The following KIF13B variants were observed in gnomAD, a reference collection of about 807,000 sequenced individuals.
KIF13B encodes kinesin-like protein KIF13B.
A neutral mutation model predicts 222.0 loss-of-function variants in KIF13B; 127 were observed. The ratio of observed to expected loss-of-function variants is 0.57; its 90% CI spans 0.50 to 0.66. KIF13B has a LOEUF of 0.66. KIF13B is among the 30% of genes least tolerant of loss of function. The pLI is 0.00. For missense variants in KIF13B, 2,173 were observed against 2,379.0 expected, an observed-to-expected ratio of 0.91 and a Z score of 1.80; for synonymous variants, 976 against 919.0, an observed-to-expected ratio of 1.06 and a Z score of -1.12.
intron 25 of KIF13B, among the ~76,000 whole-genome samples, chr8:29,126,809 C>A (rs969984951): frequency 6.6e-5 from 10 of 152,062 alleles, no homozygotes; most frequent in Non-Finnish European, 1.2e-4. Flanking sequence ...GGCAAATAGT[C>A]TTTACAAGCC....
chr8:29,186,228 T>G lies in KIF13B; in HGVS notation c.497+64A>C. 3.0e-6 allele frequency: 4 copies of G among 1,323,558 alleles called. No homozygotes were observed. The South Asian group carries it at 4.1e-5, about 14-fold the overall frequency. The allele number at this position is 1,323,558 out of a possible 1,614,324, so 82.0% of individuals were successfully genotyped here. On this transcript the variant is annotated intron_variant, in intron 6 of 39. Coordinates refer to ENST00000524189, the MANE Select transcript of KIF13B (RefSeq NM_015254.4). ...CTGAAAAAATTAAAAAGATTTGCAC[T>G]TAAGCCAATTTAAGTCTGTTTCAGT...
chr8:29,115,412 C>G (rs182676241), intron 31 of KIF13B, among the ~76,000 whole-genome samples: 1 of 151,710 alleles, frequency 6.6e-6, no homozygotes. Flanking sequence ...CCGCAACCTC[C>G]GCCTCCCGGG....
chr8:29,188,686 C>A, intron 4 of KIF13B, 79 bp from the exon 5 acceptor site: 1 of 869,266 alleles, frequency 1.2e-6, no homozygotes, highest in Non-Finnish European at 1.8e-6. Context: ...AAACAAAAAT[C>A]TCAAAAATGT....
intron 2 of KIF13B, among the ~76,000 whole-genome samples, chr8:29,221,403 T>G (rs1422055178): frequency 6.7e-6 from 1 of 150,216 alleles, no homozygotes; most frequent in African/African-American, 2.5e-5. Flanking sequence ...GCACCCGACC[T>G]GCAGTGAGCT....
At chr8:29,117,691 A>G (rs1809667712) in intron 30 of KIF13B, among the ~76,000 whole-genome samples, 1 of 152,158 alleles carries the variant, frequency 6.6e-6, no homozygotes, top group South Asian at 2.1e-4. Flanking sequence ...GGACACTATT[A>G]AGTAATAATG....
intron 12 of KIF13B, among the ~76,000 whole-genome samples, chr8:29,161,771 A>G (rs1811793091): frequency 6.7e-6 from 1 of 148,668 alleles, no homozygotes; most frequent in African/African-American, 2.4e-5. Flanking sequence ...AGCTGAAAAG[A>G]TTTTATACCT....
rs965661459 is a variant in KIF13B at position 29,118,935 on chromosome 8, G to T, written c.3593C>A (p.Ala1198Glu). The T allele has an allele frequency of 1.2e-6, 2 of 1,613,690 alleles. No homozygotes were observed. The highest frequency in any genetic ancestry group is 1.7e-6 in the Non-Finnish European group (2 of 1,179,696). Residue 1198 changes from alanine (A) to glutamate (E), a missense_variant, in exon 30 of 40, where the codon GCG becomes GAG. Physicochemically the swap from Ala to Glu is moderately radical, Grantham distance 107 (BLOSUM62 -1). Transcript: ENST00000524189. ...LDDPEAGGWD[A>E]TLTGEEEEEF... is the part of the protein sequence containing the mutation. ...CTCTTCTTCTTCCCCAGTCAAGGTCGCATCCCATCCACCAGCTTCTGGGTC... is the reference window on the plus strand; with the variant it reads ...CTCTTCTTCTTCCCCAGTCAAGGTCTCATCCCATCCACCAGCTTCTGGGTC...
chr8:29,076,044 G>C (rs1196490423), intron 37 of KIF13B, among the ~76,000 whole-genome samples: 1 of 152,262 alleles, frequency 6.6e-6, no homozygotes, highest in Non-Finnish European at 1.5e-5. Flanking sequence ...CTGGTTACTT[G>C]TGGACACATG....
At chr8:29,117,907 C>G (rs940396794) in intron 30 of KIF13B, among the ~76,000 whole-genome samples, 1 of 152,168 alleles carries the variant, frequency 6.6e-6, no homozygotes, top group Non-Finnish European at 1.5e-5. Context: ...TCTGTCATCC[C>G]AGCACTTTGC....
chr8:29,121,691 C>A (rs12716545), intron 29 of KIF13B, among the ~76,000 whole-genome samples: 120,144 of 142,556 alleles, frequency 0.84, 51,283 homozygotes, highest in Non-Finnish European at 0.91. Context: ...GCAACAAAAG[C>A]CAAAATTGAC....
chr8:29,102,314 C>T (rs1281421429), intron 35 of KIF13B, among the ~76,000 whole-genome samples: 1 of 152,194 alleles, frequency 6.6e-6, no homozygotes. Context: ...GATCTGTCTC[C>T]AACATCCTGC....
At chr8:29,077,528 T>C (rs958753707) in intron 37 of KIF13B, among the ~76,000 whole-genome samples, 1 of 152,376 alleles carries the variant, frequency 6.6e-6, no homozygotes, top group South Asian at 2.1e-4. Context: ...GTGGACAAGA[T>C]TGGGGAACAA....
At chr8:29,084,673 A>G (rs1807965479) in intron 37 of KIF13B, among the ~76,000 whole-genome samples, 1 of 152,238 alleles carries the variant, frequency 6.6e-6, no homozygotes, top group South Asian at 2.1e-4. Flanking sequence ...TACAGTTCCT[A>G]ACTTTGAAGT....
At chr8:29,088,203 T>G (rs536980075) in intron 37 of KIF13B, among the ~76,000 whole-genome samples, 3 of 152,046 alleles carry the variant, frequency 2.0e-5, no homozygotes, top group African/African-American at 7.2e-5. Flanking sequence ...GAAGCAGAGG[T>G]TGCAGTGAGC....
chr8:29,127,987 T>A (rs542446537), intron 24 of KIF13B, among the ~76,000 whole-genome samples: 2 of 151,522 alleles, frequency 1.3e-5, no homozygotes, highest in Non-Finnish European at 2.9e-5. Flanking sequence ...ACATATGACA[T>A]GTTAAAGTAC....
At chr8:29,132,110 G>T (rs555950231) in intron 23 of KIF13B, among the ~76,000 whole-genome samples, 198 bp downstream of exon 23, 5 of 152,148 alleles carry the variant, frequency 3.3e-5, no homozygotes, top group African/African-American at 1.2e-4. Flanking sequence ...AGCCAGGCGT[G>T]GTGTGCATGC....
intron 37 of KIF13B, among the ~76,000 whole-genome samples, chr8:29,081,849 G>A (rs1586750734): frequency 6.6e-6 from 1 of 152,128 alleles, no homozygotes; most frequent in East Asian, 1.9e-4. Flanking sequence ...GGAAGCTCTC[G>A]ACACATTTGT....
At chr8:29,165,014 A>AT (rs1287741486) in intron 12 of KIF13B, among the ~76,000 whole-genome samples, 1 of 152,070 alleles carries the variant, frequency 6.6e-6, no homozygotes, top group East Asian at 1.9e-4. Flanking sequence ...CGCCTAGCTA[A>AT]TTTTTGTGTT....
At chr8:29,168,741 T>C (rs548453447) in intron 10 of KIF13B, among the ~76,000 whole-genome samples, 8 of 151,956 alleles carry the variant, frequency 5.3e-5, no homozygotes, top group Admixed American at 5.2e-4. Context: ...CAGCCCCCCA[T>C]CCCCAACACT....
Sources: allele counts gnomAD v4.1 joint callset (sites outside exome capture counted in the v4.1 genomes callset), GRCh38; gene constraint gnomAD v4.1.1; transcripts MANE v1.5; gene names NCBI Gene and HGNC (gene_info 2026-07-23, HGNC 2026-07-21).